Variants in GABRR3 observed in about 807,000 individuals in gnomAD.
The protein encoded by GABRR3 is gamma-aminobutyric acid receptor subunit rho-3.
GABRR3 carries 29 observed loss-of-function variants against 43.2 expected under a neutral mutation model. That is an observed-to-expected ratio of 0.67 (90% CI 0.50 to 0.92). GABRR3 has a LOEUF of 0.92. GABRR3 is among the 40% of genes least tolerant of loss of function. The pLI is 0.00. For missense variants in GABRR3, 576 were observed against 572.3 expected (o/e 1.01, Z -0.07); for synonymous variants, 206 against 195.9 (o/e 1.05, Z -0.43).
At chr3:98,011,329 G>A (rs1706789966) in intron 5 of GABRR3, among the ~76,000 whole-genome samples, 1 of 152,154 alleles carries the variant, frequency 6.6e-6, no homozygotes, top group Non-Finnish European at 1.5e-5. Context: ...AGATTTGGAG[G>A]CCAGAACTCT....
At chr3:98,024,494 G>T (rs1706987369) in intron 3 of GABRR3, among the ~76,000 whole-genome samples, 1 of 149,712 alleles carries the variant, frequency 6.7e-6, no homozygotes, top group Non-Finnish European at 1.5e-5. Flanking sequence ...TTTTTGTTTT[G>T]CCTGTTAACA....
intron 2 of GABRR3, among the ~76,000 whole-genome samples, chr3:98,027,408 A>G (rs1182654452): frequency 1.3e-5 from 2 of 152,258 alleles, no homozygotes; most frequent in Non-Finnish European, 2.9e-5. Context: ...ACTATGAGTG[A>G]AAACTCATGA....
chr3:98,021,211 A>G (rs1706941979), intron 3 of GABRR3, among the ~76,000 whole-genome samples: 1 of 151,900 alleles, frequency 6.6e-6, no homozygotes, highest in Non-Finnish European at 1.5e-5. Flanking sequence ...CACCTTATTC[A>G]TGGGTTTGAG....
At chr3:98,001,541 G>T in intron 8 of GABRR3, 74 bp downstream of exon 8, 1 of 1,499,682 alleles carries the variant, frequency 6.7e-7, no homozygotes, top group Non-Finnish European at 9.2e-7. Context: ...TCCTCTCCAT[G>T]TATGACCCAT....
At chr3:98,028,819 T>A (rs1707052973) in intron 2 of GABRR3, among the ~76,000 whole-genome samples, 1 of 152,136 alleles carries the variant, frequency 6.6e-6, no homozygotes, top group African/African-American at 2.4e-5. Flanking sequence ...CCCAGGAGGA[T>A]AGACACCCTC....
At chr3:98,028,995 C>G (rs1707054696) in intron 2 of GABRR3, among the ~76,000 whole-genome samples, 1 of 152,062 alleles carries the variant, frequency 6.6e-6, no homozygotes, top group African/African-American at 2.4e-5. Context: ...CACTTTAAAT[C>G]CCTTTGTGTC....
chr3:98,026,830 G>C (rs1431662156), intron 2 of GABRR3, among the ~76,000 whole-genome samples: 2 of 152,078 alleles, frequency 1.3e-5, no homozygotes, highest in African/African-American at 2.4e-5. Context: ...ACTTCGATGG[G>C]GAGAATTTCA....
chr3:98,030,356 G>T (rs1194959019), intron 2 of GABRR3, among the ~76,000 whole-genome samples: 4 of 152,034 alleles, frequency 2.6e-5, no homozygotes, highest in Non-Finnish European at 1.5e-5. Context: ...CAGAAACAAA[G>T]GAGATAATTC....
At chr3:98,008,350 G>T (rs1236777593) in intron 6 of GABRR3, among the ~76,000 whole-genome samples, 1 of 152,222 alleles carries the variant, frequency 6.6e-6, no homozygotes, top group African/African-American at 2.4e-5. Context: ...TCAAATAGTG[G>T]TATGGAAAAT....
chr3:98,023,270 A>T (rs988705307), intron 3 of GABRR3, among the ~76,000 whole-genome samples: 1 of 152,174 alleles, frequency 6.6e-6, no homozygotes, highest in African/African-American at 2.4e-5. Context: ...AATCTCCATA[A>T]AAACCCTTTC....
intron 5 of GABRR3, 153 bp from the exon 6 acceptor site, chr3:98,009,191 T>G (rs1191391212): frequency 6.3e-6 from 1 of 159,360 alleles, no homozygotes; most frequent in African/African-American, 2.4e-5. Context: ...CCAAATGACA[T>G]GCAAGGAAGC....
intron 7 of GABRR3, 38 bp downstream of exon 7, chr3:98,007,725 CA>C (rs760731190): frequency 6.2e-7 from 1 of 1,609,114 alleles, no homozygotes; most frequent in South Asian, 1.1e-5. Flanking sequence ...AGTAGATGTC[CA>C]ATAAATGCTG....
chr3:98,031,934 G>A (rs974015135), intron 2 of GABRR3, among the ~76,000 whole-genome samples: 2 of 151,918 alleles, frequency 1.3e-5, no homozygotes, highest in African/African-American at 4.8e-5. Context: ...TCAGGGTAAT[G>A]TTTAACAAGT....
At chr3:98,030,108 G>C (rs1183363466) in intron 2 of GABRR3, among the ~76,000 whole-genome samples, 1 of 104,900 alleles carries the variant, frequency 9.5e-6, no homozygotes. Context: ...GAGTGAGACT[G>C]TCTTGGAAAA....
chr3:97,989,451 GGGT>G (rs372938139), intron 9 of GABRR3, among the ~76,000 whole-genome samples: 6 of 149,858 alleles, frequency 4.0e-5, no homozygotes, highest in East Asian at 2.0e-4. Context: ...GGTGGGTGGT[GGGT>G]GGTGGTGGTG....
intron 9 of GABRR3, among the ~76,000 whole-genome samples, chr3:97,992,193 T>C (rs140649592): frequency 8.4e-4 from 128 of 152,176 alleles, no homozygotes; most frequent in African/African-American, 3.0e-3. Flanking sequence ...ATTCCTAGGA[T>C]ACTGTGGGGG....
At chr3:97,996,285 A>G (rs1224500111) in intron 8 of GABRR3, among the ~76,000 whole-genome samples, 1 of 152,212 alleles carries the variant, frequency 6.6e-6, no homozygotes, top group Non-Finnish European at 1.5e-5. Context: ...ATTACATGAT[A>G]TGAAGGAAAG....
At chr3:97,998,969 GTCC>G (rs1706596627) in intron 8 of GABRR3, 1 of 152,074 alleles carries the variant, frequency 6.6e-6, no homozygotes, top group Admixed American at 6.6e-5. Flanking sequence ...GCTCTCTAGT[GTCC>G]TCATTAGTTT....
At chr3:98,010,434 T>C (rs1706775328) in intron 5 of GABRR3, among the ~76,000 whole-genome samples, 1 of 152,188 alleles carries the variant, frequency 6.6e-6, no homozygotes, top group African/African-American at 2.4e-5. Flanking sequence ...ACCACCCACA[T>C]GGCTGACCTT....
Sources: allele counts gnomAD v4.1 joint callset (sites outside exome capture counted in the v4.1 genomes callset), GRCh38; gene constraint gnomAD v4.1.1; transcripts MANE v1.5; gene names NCBI Gene and HGNC (gene_info 2026-07-23, HGNC 2026-07-21).